MAP3K10: variants seen among roughly 807,000 people sequenced by gnomAD.
MAP3K10 encodes MKN28 derived nonreceptor_type serine/threonine kinase.
A neutral mutation model predicts 75.0 loss-of-function variants in MAP3K10; 22 were observed. The ratio of observed to expected loss-of-function variants is 0.29; its 90% confidence interval spans 0.21 to 0.42. MAP3K10 has a LOEUF of 0.42. Among genes scored for constraint, MAP3K10 ranks in the 10% least tolerant of loss-of-function variants. MAP3K10 has a pLI of 1.00. For synonymous variants in MAP3K10, 599 were observed against 612.9 expected, an observed-to-expected ratio of 0.98 and a Z score of 0.34; for missense variants, 1,165 against 1,379.8, an observed-to-expected ratio of 0.84 and a Z score of 2.47.
In MAP3K10 at chr19:40,214,010, A is replaced by ACCCCCCCC; in HGVS notation, c.2334_2335insCCCCCCCC (p.Ser779ProfsTer46). The ACCCCCCCC allele has an allele frequency of 1.4e-6, 1 of 726,364 alleles. No homozygotes were observed. Among genetic ancestry groups the ACCCCCCCC allele is most frequent in the Non-Finnish European group, 1.9e-6 (1 of 538,526 alleles). The allele number at this position is 726,364 out of a possible 1,614,324, so 45.0% of individuals were successfully genotyped here. On this transcript the variant is annotated frameshift_variant, in exon 9 of 10. Coordinates refer to ENST00000253055, the MANE Select transcript of MAP3K10 (RefSeq NM_002446.4). LOFTEE classifies it high-confidence loss of function. ...CCGCACCGGCCGCGCCCTCCCCACC[A>ACCCCCCCC]CCCTCCCCGCCCGCGCCCACACCCA...
chr19:40,215,232 C>A lies in MAP3K10; in HGVS notation c.2805C>A (p.Asp935Glu), dbSNP rs565505820. Residue 935 changes from aspartate (D) to glutamate (E), a missense_variant, in exon 10 of 10, where the codon GAC becomes GAA. Transcript: ENST00000253055. ...PSVQPTLLDM[D>E]MEGQNQDSTV... ...TGCAGCCCACACTGCTGGACATGGA[C>A]ATGGAGGGGCAGAACCAAGACAGCA... is the stretch of plus-strand genomic sequence containing the variant. The A allele has an allele frequency of 6.4e-7, 1 of 1,562,144 alleles. No homozygotes were observed. The highest frequency in any genetic ancestry group is 8.7e-7 in the Non-Finnish European group (1 of 1,153,968).
intron 5 of MAP3K10, among the ~76,000 whole-genome samples, chr19:40,208,160 TG>T (rs1290668482): frequency 6.6e-6 from 1 of 151,842 alleles, no homozygotes; most frequent in Non-Finnish European, 1.5e-5. Context: ...TTTTGTTGTT[TG>T]TTTTTTTGTT....
chr19:40,204,382 T>C lies in MAP3K10; in HGVS notation c.864-103T>C. 1 of 1,335,290 alleles carries C rather than the reference T, an allele frequency of 7.5e-7. No individual in the cohort carries two copies. The highest frequency in any genetic ancestry group is 1.0e-6 in the Non-Finnish European group (1 of 991,704). 82.7% of individuals were successfully genotyped at this position (1,335,290 alleles called of 1,614,324 possible). On this transcript the variant is annotated intron_variant, in intron 2 of 9. Transcript: ENST00000253055. The surrounding 1 kb of genome is among the most constrained non-coding windows in gnomAD (Gnocchi z 4.3). ...TGTGACCTCATTGGCCGGGGGTGGC[T>C]GTTGGGGTGAGGGCAGCCCTGCATG...
rs773546234 is a variant in MAP3K10 at position 40,212,869 on chromosome 19, C to A, written c.1617C>A (p.Ser539Arg). The change falls in exon 7 of 10, where the codon AGC (serine) becomes AGA (arginine). Residue 539 changes from serine (S) to arginine (R), a missense_variant. This residue lies in a region of MAP3K10 where 575 missense variants were observed against 793.2 expected (regional missense o/e 0.72). Transcript: ENST00000253055. The surrounding 1 kb of genome is among the most constrained non-coding windows in gnomAD (Gnocchi z 4.2). The part of the protein sequence containing the change: ...GSSSGGSGTW[S>R]RGGPPKKEEL... ...GCAGTGGAGGAAGTGGGACATGGAG[C>A]CGCGGTGGGCCCCCAAAGAAGGAAG... is the stretch of plus-strand genomic sequence containing the variant. 1.2e-6 allele frequency: 2 copies of A among 1,611,060 alleles called. No homozygotes were observed. Among genetic ancestry groups the A allele is most frequent in the Non-Finnish European group, 1.7e-6 (2 of 1,179,040 alleles).
Position 40,209,200 on chromosome 19 carries a change from C to T in MAP3K10, c.1533C>T (p.Pro511=). 6.2e-7 allele frequency: 1 copy of T among 1,614,160 alleles called. No individual in the cohort carries two copies. Among genetic ancestry groups the T allele is most frequent in the Non-Finnish European group, 8.5e-7 (1 of 1,179,984 alleles). The part of the protein sequence containing the change: ...ASPPASPSII[P]RLRAIRLTPV... Reference sequence around the variant, plus strand: ...CCCCTGCAAGCCCCAGCATCATCCCCCGGCTGAGGGCCATTCGCCGTGAGT... The same window carrying T: ...CCCCTGCAAGCCCCAGCATCATCCCTCGGCTGAGGGCCATTCGCCGTGAGT... The change falls in exon 6 of 10, where the codon CCC becomes CCT. Residue 511 remains proline (P), a synonymous_variant. Transcript: ENST00000253055.
At chr19:40,206,202 A>G (rs1211830984) in intron 5 of MAP3K10, 45 bp downstream of exon 5, 2 of 1,542,320 alleles carry the variant, frequency 1.3e-6, no homozygotes, top group Non-Finnish European at 1.7e-6. Context: ...GGCTGCTGGG[A>G]GCAGCCCCGA....
chr19:40,197,614 C>A (rs1972931733), intron 1 of MAP3K10, among the ~76,000 whole-genome samples: 1 of 152,126 alleles, frequency 6.6e-6, no homozygotes, highest in Admixed American at 6.6e-5. Flanking sequence ...GTGTGAGCCA[C>A]CGTGCCTGGC....
intron 2 of MAP3K10, among the ~76,000 whole-genome samples, chr19:40,199,561 C>T (rs1242992144): frequency 6.6e-6 from 1 of 152,118 alleles, no homozygotes; most frequent in Non-Finnish European, 1.5e-5. Context: ...AGCAAAGAGG[C>T]CCATGTGGCT....
intron 6 of MAP3K10, among the ~76,000 whole-genome samples, chr19:40,209,929 C>T (rs920453406): frequency 1.1e-4 from 16 of 151,904 alleles, no homozygotes; most frequent in African/African-American, 3.6e-4. Context: ...CCTAGGAGTT[C>T]GACACCAGCC....
chr19:40,199,085 A>T (rs557435705), intron 2 of MAP3K10, among the ~76,000 whole-genome samples: 2 of 152,200 alleles, frequency 1.3e-5, no homozygotes, highest in African/African-American at 4.8e-5. Context: ...GAAAAAATTT[A>T]AAAAAGCATA....
intron 2 of MAP3K10, among the ~76,000 whole-genome samples, chr19:40,200,446 A>G (rs913087782): frequency 6.6e-6 from 1 of 151,898 alleles, no homozygotes; most frequent in Admixed American, 6.6e-5. Context: ...CTCCCCATTT[A>G]CTGTTCCCGT....
chr19:40,197,024 A>G (rs1330889785), intron 1 of MAP3K10, among the ~76,000 whole-genome samples: 3 of 152,174 alleles, frequency 2.0e-5, no homozygotes, highest in Admixed American at 1.3e-4. Context: ...CTGTGTAATA[A>G]GCTACCCCCA....
intron 1 of MAP3K10, among the ~76,000 whole-genome samples, chr19:40,195,681 A>G (rs1177219483): frequency 6.6e-6 from 1 of 151,520 alleles, no homozygotes; most frequent in East Asian, 1.9e-4. Flanking sequence ...TCTAGTAGAG[A>G]CGGTGGTCTT....
chr19:40,206,964 G>A (rs1973133670), intron 5 of MAP3K10, among the ~76,000 whole-genome samples: 2 of 151,962 alleles, frequency 1.3e-5, no homozygotes, highest in African/African-American at 4.8e-5. Flanking sequence ...GGGTGTGGTG[G>A]TGCACACGCC....
intron 5 of MAP3K10, chr19:40,206,424 T>C (rs562559721): frequency 1.4e-4 from 47 of 330,118 alleles, no homozygotes; most frequent in South Asian, 1.4e-3. Flanking sequence ...AAATTTTTTT[T>C]AATTAGCTGG....
At position 40,212,451 on chromosome 19, in the gene MAP3K10, AGAG is replaced by A. The variant is rs1325788857; in HGVS notation, c.1553-353_1553-351del. 5.5e-4 allele frequency among the ~76,000 whole-genome samples: 84 copies of A among 152,210 alleles called. No individual in the cohort carries two copies. Among genetic ancestry groups the A allele is most frequent in the Admixed American group, 5.5e-3 (84 of 15,274 alleles). ...GATAGGTCCAGAGCATTGCAGGTACAGAGATGAAGGCAGCTGACCCCCAGGGAA... is the reference window on the plus strand; with the variant it reads ...GATAGGTCCAGAGCATTGCAGGTACAATGAAGGCAGCTGACCCCCAGGGAA... On this transcript the variant is annotated intron_variant, in intron 6 of 9. Coordinates refer to ENST00000253055, the MANE Select transcript of MAP3K10 (RefSeq NM_002446.4). This position sits in a 1 kb window ranked among gnomAD's most constrained non-coding sequence, Gnocchi z 4.2.
At position 40,205,778 on chromosome 19, in the gene MAP3K10, G is replaced by C; in HGVS notation, c.1189-133G>C. On this transcript the variant is annotated intron_variant, in intron 4 of 9. Coordinates refer to ENST00000253055, the MANE Select transcript of MAP3K10 (RefSeq NM_002446.4). This position sits in a 1 kb window ranked among gnomAD's most constrained non-coding sequence, Gnocchi z 4.3. ...AGCTTGGCTAGCAAAGCATGAGTCG[G>C]GTGGTGAAACCAGTGTACCCCACAG... 1 of 961,992 alleles carries C rather than the reference G, an allele frequency of 1.0e-6. No homozygotes were observed. Among genetic ancestry groups the C allele is most frequent in the South Asian group, 2.0e-5 (1 of 50,894 alleles). The allele number at this position is 961,992 out of a possible 1,614,324, so 59.6% of individuals were successfully genotyped here. A position where few individuals can be genotyped will look rare whatever the true frequency, so the allele number is the denominator to read the frequency against.
At chr19:40,208,770 A>G (rs1173396240) in intron 5 of MAP3K10, among the ~76,000 whole-genome samples, 1 of 151,964 alleles carries the variant, frequency 6.6e-6, no homozygotes, top group East Asian at 2.0e-4. Flanking sequence ...CTCAGCTGCT[A>G]CACGTAGCTA....
chr19:40,200,642 A>G (rs905918969), intron 2 of MAP3K10, among the ~76,000 whole-genome samples: 2 of 122,522 alleles, frequency 1.6e-5, no homozygotes, highest in East Asian at 2.4e-4. Flanking sequence ...TTTTTGGGAC[A>G]GAGTCTCACT....
Sources: gnomAD v4.1 joint callset for allele counts (sites outside exome capture counted in the v4.1 genomes callset) on GRCh38, gnomAD v4.1.1 for gene constraint, gnomAD v4.1.1 regional missense constraint, Gnocchi (gnomAD v3.1) non-coding constraint, MANE v1.5 for transcripts, NCBI Gene and HGNC (gene_info 2026-07-23, HGNC 2026-07-21) for gene names.